Variants in TSHZ3 observed in about 807,000 individuals in gnomAD.
TSHZ3 encodes the protein teashirt zinc finger homeobox 3.
TSHZ3 carries 10 observed loss-of-function variants against 64.5 expected under a neutral mutation model. The ratio of observed to expected loss-of-function variants is 0.16; its 90% CI spans 0.10 to 0.26. The LOEUF (loss-of-function observed/expected upper bound fraction) is 0.26. Ranked by LOEUF, TSHZ3 falls within the 10% of genes least tolerant of loss-of-function variation. The pLI is 1.00. For synonymous variants in TSHZ3, 608 were observed against 593.1 expected (o/e 1.03, Z -0.36); for missense variants, 1,242 against 1,421.7 (o/e 0.87, Z 2.03).
chr19:31,327,955 A>G (rs1244848914), intron 1 of TSHZ3, among the ~76,000 whole-genome samples: 1 of 152,270 alleles, frequency 6.6e-6, no homozygotes, highest in Non-Finnish European at 1.5e-5. Context: ...CGGCTGTCAG[A>G]TCACTAAGGC....
intron 5 of TSHZ3, among the ~76,000 whole-genome samples, chr19:31,194,933 A>G (rs552689626): frequency 1.6e-3 from 251 of 152,312 alleles, no homozygotes; most frequent in African/African-American, 5.8e-3. Flanking sequence ...AAACACTATA[A>G]TAGAAATGAA....
chr19:31,340,098 G>A (rs1568386626), intron 1 of TSHZ3, among the ~76,000 whole-genome samples: 4 of 151,764 alleles, frequency 2.6e-5, no homozygotes, highest in African/African-American at 7.3e-5. Flanking sequence ...GAGCCGCCTC[G>A]CCCTCCCCCT....
intron 5 of TSHZ3, among the ~76,000 whole-genome samples, chr19:31,200,522 G>C (rs1240016804): frequency 6.6e-6 from 1 of 152,096 alleles, no homozygotes; most frequent in Non-Finnish European, 1.5e-5. Context: ...TTCTGGAAAA[G>C]GCAAAATGAT....
intron 5 of TSHZ3, among the ~76,000 whole-genome samples, chr19:31,175,116 G>C (rs1390298822): frequency 1.3e-5 from 2 of 152,142 alleles, no homozygotes; most frequent in Admixed American, 6.5e-5. Context: ...TAGGATAAAG[G>C]GGTCAGGCAA....
intron 1 of TSHZ3, among the ~76,000 whole-genome samples, chr19:31,333,787 C>A (rs1306204969): frequency 6.6e-6 from 1 of 152,106 alleles, no homozygotes; most frequent in Non-Finnish European, 1.5e-5. Context: ...AGCGCGTTCC[C>A]GTTAAAAATG....
At chr19:31,297,232 A>C (rs1238713736) in intron 1 of TSHZ3, among the ~76,000 whole-genome samples, 1 of 152,082 alleles carries the variant, frequency 6.6e-6, no homozygotes, top group Non-Finnish European at 1.5e-5. Context: ...CCCTCAGAGG[A>C]TCCCTCCTGC....
intron 1 of TSHZ3, among the ~76,000 whole-genome samples, chr19:31,348,541 G>A (rs2021587697): frequency 1.3e-5 from 2 of 152,016 alleles, no homozygotes; most frequent in East Asian, 1.9e-4. Flanking sequence ...CGGAGATGAG[G>A]GTGGGAGCAG....
chr19:31,259,668 A>G (rs1975959431), intron 1 of TSHZ3, among the ~76,000 whole-genome samples: 1 of 152,150 alleles, frequency 6.6e-6, no homozygotes, highest in South Asian at 2.1e-4. Context: ...AAAAAGAGAA[A>G]TAGGAGGTCA....
chr19:31,348,701 G>A (rs2021593964), intron 1 of TSHZ3, among the ~76,000 whole-genome samples: 1 of 152,202 alleles, frequency 6.6e-6, no homozygotes, highest in African/African-American at 2.4e-5. Flanking sequence ...CAAGAAATGA[G>A]GAATCAATCG....
intron 1 of TSHZ3, among the ~76,000 whole-genome samples, chr19:31,330,930 G>A (rs559669894): frequency 1.3e-5 from 2 of 152,240 alleles, no homozygotes; most frequent in South Asian, 2.1e-4. Context: ...ACAGGCACGG[G>A]CATGTCCCCA....
intron 1 of TSHZ3, among the ~76,000 whole-genome samples, chr19:31,337,119 C>T (rs1044721972): frequency 1.0e-4 from 15 of 149,686 alleles, no homozygotes; most frequent in Admixed American, 4.7e-4. Flanking sequence ...CTGACAATAG[C>T]GTGTTTCTAA....
In TSHZ3 at chr19:31,349,182, G is replaced by A; in HGVS notation, c.38C>T (p.Ala13Val). The change falls in exon 1 of 2, where the codon GCA (alanine) becomes GTA (valine). Residue 13 changes from alanine (A) to valine (V), a missense_variant and splice_region_variant. Transcript: ENST00000240587. ...RRKQQAPRRA[A>V]AYVSEELKAA... ...AAGGAAGGGGAAGCGGCTCGTACCT[G>A]CTGCGCGCCGGGGCGCCTGCTGCTT... is the stretch of plus-strand genomic sequence containing the variant. 1.3e-6 allele frequency: 2 copies of A among 1,542,218 alleles called. No individual in the cohort carries two copies. The highest frequency in any genetic ancestry group is 1.7e-6 in the Non-Finnish European group (2 of 1,144,542).
chr19:31,203,002 T>A (rs910213284), intron 5 of TSHZ3, among the ~76,000 whole-genome samples: 2 of 151,944 alleles, frequency 1.3e-5, no homozygotes, highest in Non-Finnish European at 2.9e-5. Context: ...GAATGAAAAT[T>A]AAGCCTAACA....
intron 6 of TSHZ3, among the ~76,000 whole-genome samples, chr19:31,152,798 G>A (rs1974258553): frequency 6.6e-6 from 1 of 152,098 alleles, no homozygotes; most frequent in Non-Finnish European, 1.5e-5. Context: ...CAGCTCCAGG[G>A]ACCTTACAGA....
chr19:31,342,308 G>A (rs975545775), intron 1 of TSHZ3, among the ~76,000 whole-genome samples: 4 of 152,180 alleles, frequency 2.6e-5, no homozygotes, highest in Non-Finnish European at 5.9e-5. Context: ...GGAAACTGAG[G>A]GGTTTAACAG....
At chr19:31,335,641 G>T (rs1006409941) in intron 1 of TSHZ3, among the ~76,000 whole-genome samples, 5 of 152,170 alleles carry the variant, frequency 3.3e-5, no homozygotes, top group Admixed American at 2.0e-4. Flanking sequence ...AACCCAAATC[G>T]TCACCTGAAG....
intron 5 of TSHZ3, among the ~76,000 whole-genome samples, chr19:31,190,726 G>C (rs772346390): frequency 1.5e-4 from 23 of 151,836 alleles, no homozygotes; most frequent in African/African-American, 5.6e-4. Context: ...TGTAGAAATC[G>C]ACTCTGAAAT....
At chr19:31,166,075 C>T (rs1482721112) in intron 5 of TSHZ3, among the ~76,000 whole-genome samples, 2 of 152,190 alleles carry the variant, frequency 1.3e-5, no homozygotes, top group Non-Finnish European at 2.9e-5. Context: ...ACAGCGCCAG[C>T]AGCTTTTTTC....
rs545522496 is a variant in TSHZ3, at chr19:31,243,667, C to T, written n.64-792G>A. Among the ~76,000 whole-genome samples, 23 of 152,218 alleles carry T rather than the reference C, an allele frequency of 1.5e-4. No individual in the cohort carries two copies. The South Asian group carries it at 4.2e-3, about 28-fold the overall frequency. On this transcript the variant is annotated intron_variant and non_coding_transcript_variant, in intron 1 of 6. Transcript: ENST00000651361. ...TCCCACCGACACAGGATACCATCCT[C>T]GGGGGCTCCGTGCCTCCCCTGCCAA...
Sources: allele counts gnomAD v4.1 joint callset (sites outside exome capture counted in the v4.1 genomes callset), GRCh38; gene constraint gnomAD v4.1.1; transcripts MANE v1.5; gene names NCBI Gene and HGNC (gene_info 2026-07-23, HGNC 2026-07-21).